Variants in PTPRJ observed in about 807,000 individuals in gnomAD.
PTPRJ encodes the protein protein tyrosine phosphatase receptor type J, also known as receptor-type tyrosine-protein phosphatase eta.
A neutral mutation model predicts 141.3 loss-of-function variants in PTPRJ; 129 were observed. The ratio of observed to expected loss-of-function variants is 0.91; its 90% CI spans 0.79 to 1.06. The LOEUF is 1.06. Among genes scored for constraint, PTPRJ ranks in the 50% least tolerant of loss-of-function variants. The probability of loss-of-function intolerance (pLI) is 0.00; values close to 1 mark genes in which losing one functional copy is unlikely to be tolerated. For synonymous variants in PTPRJ, 610 were observed against 640.5 expected (o/e 0.95, Z 0.72); for missense variants, 1,601 against 1,679.7 (o/e 0.95, Z 0.82).
At chr11:48,141,251 A>T (rs1004598663) in intron 11 of PTPRJ, among the ~76,000 whole-genome samples, 1 of 152,066 alleles carries the variant, frequency 6.6e-6, no homozygotes, top group Admixed American at 6.5e-5. Flanking sequence ...AGAGAGAGAG[A>T]GTGTGTGGAG....
At chr11:48,039,467 G>C (rs1438133616) in intron 1 of PTPRJ, among the ~76,000 whole-genome samples, 2 of 11,314 alleles carry the variant, frequency 1.8e-4, no homozygotes, top group South Asian at 3.8e-3. Context: ...ACACTATGGT[G>C]TGTGTGTGTG....
At chr11:48,140,214 G>T (rs1262785452) in intron 11 of PTPRJ, among the ~76,000 whole-genome samples, 1 of 152,098 alleles carries the variant, frequency 6.6e-6, no homozygotes, top group Non-Finnish European at 1.5e-5. Context: ...TTTGTATTTA[G>T]AGATGGGGTT....
chr11:48,025,455 A>G (rs1853782049), intron 1 of PTPRJ, among the ~76,000 whole-genome samples: 2 of 152,176 alleles, frequency 1.3e-5, no homozygotes, highest in South Asian at 4.1e-4. Context: ...TGTATGCCGG[A>G]GGCCACCAGG....
chr11:48,132,288 C>T lies in PTPRJ; in HGVS notation c.1615+1572C>T, dbSNP rs1239803760. The T allele has an allele frequency of 6.1e-6, 6 of 983,752 alleles. No individual in the cohort carries two copies. The African/African-American group carries it at 1.0e-4, about 17-fold the overall frequency. The allele number at this position is 983,752 out of a possible 1,614,324, so 60.9% of individuals were successfully genotyped here. A position where few individuals can be genotyped will look rare whatever the true frequency, so the allele number is the denominator to read the frequency against. ...CGGTGGCCTGCACCCATCGTCCCAGCTACTTGAGAGGCTGCGGCAGGAGGA... is the reference window on the plus strand; with the variant it reads ...CGGTGGCCTGCACCCATCGTCCCAGTTACTTGAGAGGCTGCGGCAGGAGGA... On this transcript the variant is annotated intron_variant, in intron 8 of 24. Coordinates refer to ENST00000418331, the MANE Select transcript of PTPRJ (RefSeq NM_002843.4).
chr11:48,141,622 A>G (rs1404176641), intron 11 of PTPRJ, among the ~76,000 whole-genome samples: 1 of 152,036 alleles, frequency 6.6e-6, no homozygotes, highest in Non-Finnish European at 1.5e-5. Context: ...ATGTGGTGTC[A>G]TTGTGCAGCT....
chr11:48,083,135 T>C (rs908256773), intron 1 of PTPRJ, among the ~76,000 whole-genome samples: 2 of 152,172 alleles, frequency 1.3e-5, no homozygotes, highest in Non-Finnish European at 1.5e-5. Context: ...TATTAAGTTG[T>C]TTTTCTAAGG....
intron 18 of PTPRJ, among the ~76,000 whole-genome samples, chr11:48,150,938 G>C (rs1431608287): frequency 1.3e-5 from 2 of 152,216 alleles, no homozygotes; most frequent in South Asian, 2.1e-4. Context: ...TGAGTTCTGT[G>C]TGCTCAGACT....
intron 2 of PTPRJ, 61 bp downstream of exon 2, chr11:48,110,137 A>G (rs1447674072): frequency 1.3e-6 from 2 of 1,509,812 alleles, no homozygotes; most frequent in Non-Finnish European, 1.8e-6. Flanking sequence ...ATGGACACAC[A>G]GCAACATTAA....
At position 48,144,741 on chromosome 11, in the gene PTPRJ, C is replaced by T; in HGVS notation, c.2642C>T (p.Thr881Ile). ...GATTTCAAAAAGGGAGCCTCAGATA[C>T]TTATGTGACATACCTCATAAGAACA... Reference protein sequence around the residue: ...YEDFKKGASDTYVTYLIRTEE... With the variant: ...YEDFKKGASDIYVTYLIRTEE... The change falls in exon 13 of 25, where the codon ACT becomes ATT. Residue 881 changes from threonine to isoleucine, a missense_variant. By Grantham distance (89) the Thr-to-Ile change is moderately conservative. Transcript: ENST00000418331. 6.2e-7 allele frequency: 1 copy of T among 1,614,186 alleles called. No individual in the cohort carries two copies. Among genetic ancestry groups the T allele is most frequent in the Non-Finnish European group, 8.5e-7 (1 of 1,180,008 alleles).
At chr11:48,138,862 T>G (rs1857165344) in intron 10 of PTPRJ, among the ~76,000 whole-genome samples, 1 of 152,154 alleles carries the variant, frequency 6.6e-6, no homozygotes, top group Non-Finnish European at 1.5e-5. Flanking sequence ...TTGGCTGGGC[T>G]GGTGGCTCAC....
chr11:48,005,186 C>T (rs1335085560), intron 1 of PTPRJ, among the ~76,000 whole-genome samples: 1 of 151,772 alleles, frequency 6.6e-6, no homozygotes, highest in Non-Finnish European at 1.5e-5. Context: ...CATGCCACTG[C>T]ACTCCAGCCT....
chr11:48,113,087 A>C, intron 3 of PTPRJ, 104 bp downstream of exon 3: 1 of 984,274 alleles, frequency 1.0e-6, no homozygotes, highest in Non-Finnish European at 1.5e-6. Flanking sequence ...TACCTAAGAA[A>C]ATCTTTTTAA....
chr11:48,058,634 C>A (rs58453539), intron 1 of PTPRJ, among the ~76,000 whole-genome samples: 5 of 152,212 alleles, frequency 3.3e-5, no homozygotes, highest in Admixed American at 6.5e-5. Context: ...AGCCACCGCT[C>A]TGGTCCAAGC....
At chr11:48,077,718 C>G (rs1328600681) in intron 1 of PTPRJ, among the ~76,000 whole-genome samples, 1 of 152,234 alleles carries the variant, frequency 6.6e-6, no homozygotes, top group Non-Finnish European at 1.5e-5. Context: ...CTCCGAAATC[C>G]TGACCTCATA....
intron 19 of PTPRJ, among the ~76,000 whole-genome samples, chr11:48,155,244 G>T (rs1452791894): frequency 1.3e-5 from 2 of 152,126 alleles, no homozygotes; most frequent in Non-Finnish European, 2.9e-5. Context: ...TTGTTTATAT[G>T]AGAATAGAGG....
At chr11:48,082,243 T>C (rs1855577400) in intron 1 of PTPRJ, among the ~76,000 whole-genome samples, 2 of 152,150 alleles carry the variant, frequency 1.3e-5, no homozygotes, top group Non-Finnish European at 2.9e-5. Flanking sequence ...TCTCTTCTTT[T>C]TACTTATTTG....
At chr11:48,030,657 C>T (rs763502962) in intron 1 of PTPRJ, among the ~76,000 whole-genome samples, 4 of 152,208 alleles carry the variant, frequency 2.6e-5, no homozygotes, top group Middle Eastern at 3.4e-3. Flanking sequence ...GCAGGAGGAT[C>T]GCTTGAACCT....
chr11:48,089,238 C>G (rs982644286), intron 1 of PTPRJ, among the ~76,000 whole-genome samples: 3 of 152,150 alleles, frequency 2.0e-5, no homozygotes, highest in Non-Finnish European at 4.4e-5. Context: ...AAACATTAAC[C>G]AGGAGCGGTG....
chr11:48,026,483 CT>C (rs35392576), intron 1 of PTPRJ, among the ~76,000 whole-genome samples: 9,653 of 142,454 alleles, frequency 0.068, 919 homozygotes, highest in African/African-American at 0.22. Context: ...AATGTTAGGA[CT>C]TTTTTTTTTT....
Sources: gnomAD v4.1 joint callset for allele counts (sites outside exome capture counted in the v4.1 genomes callset) on GRCh38, gnomAD v4.1.1 for gene constraint, MANE v1.5 for transcripts, NCBI Gene and HGNC (gene_info 2026-07-23, HGNC 2026-07-21) for gene names.